Variants in HELZ observed in about 807,000 individuals in gnomAD.
HELZ encodes the protein ATP-dependent RNA helicase with zinc finger domain.
HELZ carries 23 observed loss-of-function variants against 218.2 expected under a neutral mutation model. The observed-to-expected ratio is 0.11, with a 90% CI of 0.08 to 0.15. The LOEUF (loss-of-function observed/expected upper bound fraction) is 0.15. Ranked by LOEUF, HELZ falls within the 10% of genes least tolerant of loss-of-function variation. The pLI is 1.00. For missense variants in HELZ, 1,813 were observed against 2,353.7 expected (o/e 0.77, Z 4.75); for synonymous variants, 814 against 829.4 (o/e 0.98, Z 0.32).
At chr17:67,127,223 A>G (rs963218462) in intron 24 of HELZ, among the ~76,000 whole-genome samples, 20 of 152,242 alleles carry the variant, frequency 1.3e-4, no homozygotes, top group Non-Finnish European at 1.5e-4. Context: ...CACTTCTCCA[A>G]CATGGCCACA....
chr17:67,120,453 G>A lies in HELZ; in HGVS notation c.3790C>T (p.Pro1264Ser), dbSNP rs1360673532. The change falls in exon 27 of 33, where the codon CCA (proline) becomes TCA (serine). Residue 1264 changes from proline to serine, a missense_variant. This residue lies in a region of HELZ where 938 missense variants were observed against 1,027.5 expected (regional missense o/e 0.91). Coordinates refer to ENST00000358691, the MANE Select transcript of HELZ (RefSeq NM_014877.4). Reference sequence around the variant, plus strand: ...TCCTTCTCCTGATGCTGATTTTGTGGCTGGCCTATGGTGACAGGTGGGTGA... The same window carrying A: ...TCCTTCTCCTGATGCTGATTTTGTGACTGGCCTATGGTGACAGGTGGGTGA... Reference protein sequence around the residue: ...GHHPPVTIGQPQNQHQEKDQH... With the variant: ...GHHPPVTIGQSQNQHQEKDQH... 1 of 1,613,876 alleles carries A rather than the reference G, an allele frequency of 6.2e-7. No homozygotes were observed. The highest frequency in any genetic ancestry group is 8.5e-7 in the Non-Finnish European group (1 of 1,179,996).
chr17:67,172,416 G>A (rs2039339870), intron 13 of HELZ, among the ~76,000 whole-genome samples: 1 of 152,128 alleles, frequency 6.6e-6, no homozygotes. Context: ...GCAGTGACTA[G>A]CATAGAACCT....
At chr17:67,098,679 G>A (rs2036828013) in intron 31 of HELZ, among the ~76,000 whole-genome samples, 2 of 152,166 alleles carry the variant, frequency 1.3e-5, no homozygotes, top group Admixed American at 6.5e-5. Context: ...GGCAGGCGGA[G>A]GTTGCAGTGA....
At chr17:67,238,291 G>A (rs1598485292) in intron 3 of HELZ, among the ~76,000 whole-genome samples, 2 of 146,134 alleles carry the variant, frequency 1.4e-5, no homozygotes, top group South Asian at 4.3e-4. Context: ...AGGTTGCAGT[G>A]AGCTGAGATT....
intron 12 of HELZ, among the ~76,000 whole-genome samples, chr17:67,182,106 G>A (rs893099629): frequency 1.3e-5 from 2 of 152,154 alleles, no homozygotes; most frequent in African/African-American, 2.4e-5. Flanking sequence ...CTTGGCATGC[G>A]TTTTCTTCAG....
In HELZ at chr17:67,070,895, C is replaced by T. The variant is rs1242938968; in HGVS notation, c.*7357G>A. On this transcript the variant is annotated 3_prime_UTR_variant, in exon 33 of 33. Transcript: ENST00000358691. ...GTACAGCTTCCCTCAGGAAGACTTC[C>T]CAAAATAAGACTCAGTATGAATTTG... 1 of 151,910 alleles carries T rather than the reference C, an allele frequency of 6.6e-6. No homozygotes were observed. The highest frequency in any genetic ancestry group is 2.4e-5 in the African/African-American group (1 of 41,348). 9.4% of individuals were successfully genotyped at this position (151,910 alleles called of 1,614,324 possible). A position where few individuals can be genotyped will look rare whatever the true frequency, so the allele number is the denominator to read the frequency against.
chr17:67,234,031 C>T (rs1277770003), intron 3 of HELZ, among the ~76,000 whole-genome samples: 3 of 129,236 alleles, frequency 2.3e-5, no homozygotes, highest in African/African-American at 8.4e-5. Context: ...GGGCGACAGA[C>T]AGACTCCATC....
chr17:67,203,462 C>T lies in HELZ; in HGVS notation c.248-19G>A. The T allele has an allele frequency of 6.2e-7, 1 of 1,611,840 alleles. No homozygotes were observed. The highest frequency in any genetic ancestry group is 8.5e-7 in the Non-Finnish European group (1 of 1,179,030). On this transcript the variant is annotated intron_variant, in intron 5 of 32. Coordinates refer to ENST00000358691, the MANE Select transcript of HELZ (RefSeq NM_014877.4). The stretch of plus-strand genomic sequence containing the variant: ...CCCAGCACTGCCATGAAAGAACAGC[C>T]ATCATTAACCATATGACATTTAATG...
chr17:67,182,261 G>C (rs2039634253), intron 12 of HELZ, among the ~76,000 whole-genome samples: 1 of 152,064 alleles, frequency 6.6e-6, no homozygotes. Flanking sequence ...GGTCAACATG[G>C]CGAAACCCCA....
At position 67,245,133 on chromosome 17, in the gene HELZ, G is replaced by A. The variant is rs1053188035; in HGVS notation, c.-132+15C>T. 3 of 984,966 alleles carry A rather than the reference G, an allele frequency of 3.0e-6. No individual in the cohort carries two copies. Among genetic ancestry groups the A allele is most frequent in the Non-Finnish European group, 3.6e-6 (3 of 829,816 alleles). 61.0% of individuals were successfully genotyped at this position (984,966 alleles called of 1,614,324 possible). A position where few individuals can be genotyped will look rare whatever the true frequency, so the allele number is the denominator to read the frequency against. On this transcript the variant is annotated intron_variant, in intron 1 of 32. Transcript: ENST00000358691. ...AGCGGCCCCAGGAGCAGAGAAGGGG[G>A]AAGTCAGGACTTACCTGTCATTACT...
chr17:67,124,836 A>G (rs1356943524), intron 24 of HELZ, among the ~76,000 whole-genome samples: 1 of 152,144 alleles, frequency 6.6e-6, no homozygotes, highest in Non-Finnish European at 1.5e-5. Flanking sequence ...GGGCAGAAAC[A>G]GTATTTGAAG....
intron 7 of HELZ, chr17:67,200,828 C>G (rs767547878): frequency 3.2e-6 from 1 of 311,844 alleles, no homozygotes; most frequent in Non-Finnish European, 5.9e-6. Flanking sequence ...TAGTTAAAAA[C>G]TAAAATTTCC....
intron 31 of HELZ, among the ~76,000 whole-genome samples, chr17:67,089,647 T>TTATATATA (rs371659847): frequency 0.018 from 959 of 53,046 alleles, 11 homozygotes; most frequent in East Asian, 0.061. Context: ...ATTGGAGATT[T>TTATATATA]TATATATATA....
At chr17:67,232,065 A>AG (rs2041052449) in intron 3 of HELZ, among the ~76,000 whole-genome samples, 1 of 151,332 alleles carries the variant, frequency 6.6e-6, no homozygotes, top group Non-Finnish European at 1.5e-5. Flanking sequence ...AAAAAAAAAA[A>AG]AAAAAAAAAA....
chr17:67,122,536 AC>A (rs1292135600), intron 26 of HELZ, among the ~76,000 whole-genome samples: 1 of 149,470 alleles, frequency 6.7e-6, no homozygotes, highest in Non-Finnish European at 1.5e-5. Context: ...ACAGAGTGAG[AC>A]CCCGTCTCAA....
chr17:67,126,188 T>C (rs1315987243), intron 24 of HELZ, among the ~76,000 whole-genome samples: 1 of 152,190 alleles, frequency 6.6e-6, no homozygotes, highest in African/African-American at 2.4e-5. Context: ...ACTCATATAA[T>C]TGCCAGGTAA....
chr17:67,171,031 T>A (rs1227774211), intron 13 of HELZ, among the ~76,000 whole-genome samples: 1 of 147,508 alleles, frequency 6.8e-6, no homozygotes, highest in African/African-American at 2.7e-5. Context: ...GCTAAGATGA[T>A]GTACAGTTTT....
chr17:67,078,015 T>A lies in HELZ; in HGVS notation c.*237A>T, dbSNP rs917343111. 1.2e-5 allele frequency: 4 copies of A among 339,432 alleles called. No individual in the cohort carries two copies. The highest frequency in any genetic ancestry group is 4.3e-5 in the African/African-American group (2 of 46,450). The allele number at this position is 339,432 out of a possible 1,614,324, so 21.0% of individuals were successfully genotyped here. A position where few individuals can be genotyped will look rare whatever the true frequency, so the allele number is the denominator to read the frequency against. ...AAACATATGTAACAATACACAAATT[T>A]AAAAATTTTTTTATTCTACATAAAA... On this transcript the variant is annotated 3_prime_UTR_variant, in exon 33 of 33. Coordinates refer to ENST00000358691, the MANE Select transcript of HELZ (RefSeq NM_014877.4).
intron 5 of HELZ, among the ~76,000 whole-genome samples, chr17:67,212,835 T>C (rs1008330213): frequency 6.6e-6 from 1 of 152,178 alleles, no homozygotes; most frequent in Non-Finnish European, 1.5e-5. Flanking sequence ...GATTACTGAC[T>C]TAGGATAGTA....
Sources: gnomAD v4.1 joint callset for allele counts (sites outside exome capture counted in the v4.1 genomes callset) on GRCh38, gnomAD v4.1.1 for gene constraint, gnomAD v4.1.1 regional missense constraint, MANE v1.5 for transcripts, NCBI Gene and HGNC (gene_info 2026-07-23, HGNC 2026-07-21) for gene names.